GRIA3: variants seen among roughly 807,000 people sequenced by gnomAD.
GRIA3 encodes glutamate ionotropic receptor AMPA type subunit 3.
In GRIA3, 3 loss-of-function variants were observed where a neutral mutation model predicts 63.0. The ratio of observed to expected loss-of-function variants is 0.05; its 90% confidence interval spans 0.02 to 0.12. The LOEUF (loss-of-function observed/expected upper bound fraction) is 0.12, where lower values mean the gene tolerates loss of function less well. GRIA3 is among the 10% of genes least tolerant of loss of function. The probability of loss-of-function intolerance (pLI) is 1.00; values close to 1 mark genes in which losing one functional copy is unlikely to be tolerated. For missense variants in GRIA3, 347 were observed against 700.9 expected, an observed-to-expected ratio of 0.50 and a Z score of 5.70; for synonymous variants, 274 against 257.9, an observed-to-expected ratio of 1.06 and a Z score of -0.60.
intron 3 of GRIA3, among the ~76,000 whole-genome samples, chrX:123,305,186 G>T (rs2044747321): frequency 9.0e-6 from 1 of 111,477 alleles, no homozygotes; most frequent in Admixed American, 9.6e-5. Context: ...TAAGAAAAAT[G>T]TACTGTTTTC....
intron 3 of GRIA3, among the ~76,000 whole-genome samples, chrX:123,259,439 C>T (rs865774569): frequency 1.8e-5 from 2 of 109,529 alleles, no homozygotes; most frequent in Admixed American, 9.8e-5. Flanking sequence ...TCTCTTTCTT[C>T]GCCTCCTTTC....
intron 2 of GRIA3, among the ~76,000 whole-genome samples, chrX:123,206,242 G>GTA (rs1231306857): frequency 8.9e-6 from 1 of 111,956 alleles, no homozygotes; most frequent in African/African-American, 3.2e-5. Context: ...CCTGCTGCAA[G>GTA]TACTTGGATC....
intron 6 of GRIA3, among the ~76,000 whole-genome samples, chrX:123,396,062 C>T (rs1201345132): frequency 9.2e-6 from 1 of 109,074 alleles, no homozygotes; most frequent in African/African-American, 3.3e-5. Flanking sequence ...GATAACAGGC[C>T]GGGCATGGTA....
intron 5 of GRIA3, among the ~76,000 whole-genome samples, chrX:123,394,023 C>G (rs1569429743): frequency 8.9e-6 from 1 of 112,381 alleles, no homozygotes; most frequent in African/African-American, 3.2e-5. Context: ...ATGGTAGCCA[C>G]AGCAAATTAG....
rs1343075689 is a variant in GRIA3 at position 123,427,945 on chromosome X, C to T, written c.1882C>T (p.Leu628Phe). The change falls in exon 12 of 16, where the codon CTC becomes TTC. Residue 628 changes from leucine to phenylalanine, a missense_variant. Coordinates refer to ENST00000620443, the MANE Select transcript of GRIA3 (RefSeq NM_007325.5). ...QQGCDISPRS[L>F]SGRIVGGVWW... ...TGTTTTTGTTTTGTTTTATAGATCA[C>T]TCTCCGGGCGCATTGTTGGAGGGGT... is the stretch of plus-strand genomic sequence containing the variant. 2.5e-6 allele frequency: 3 copies of T among 1,192,698 alleles called. No individual in the cohort carries two copies. The African/African-American group carries it at 5.3e-5, about 21-fold the overall frequency.
At chrX:123,448,167 T>C (rs1179767257) in intron 12 of GRIA3, among the ~76,000 whole-genome samples, 1 of 112,527 alleles carries the variant, frequency 8.9e-6, no homozygotes, top group Admixed American at 9.4e-5. Flanking sequence ...ATGGAATACC[T>C]AGACTCAGGA....
chrX:123,309,998 A>G (rs1462234318), intron 3 of GRIA3, among the ~76,000 whole-genome samples: 8 of 112,552 alleles, frequency 7.1e-5, no homozygotes, highest in Non-Finnish European at 1.5e-4. Context: ...AGGGGATCAG[A>G]TGCCCAGCCA....
At chrX:123,204,562 T>C in intron 2 of GRIA3, 1 of 1,157,029 alleles carries the variant, frequency 8.6e-7, no homozygotes, top group African/African-American at 1.8e-5. Flanking sequence ...CAAACCCATT[T>C]TAGAGACAGA....
intron 2 of GRIA3, among the ~76,000 whole-genome samples, chrX:123,240,251 A>G (rs2044322512): frequency 8.9e-6 from 1 of 111,797 alleles, no homozygotes; most frequent in African/African-American, 3.3e-5. Context: ...AGCCAGAACA[A>G]CCTCCCAAAC....
intron 2 of GRIA3, among the ~76,000 whole-genome samples, chrX:123,241,466 T>C (rs1439095607): frequency 1.8e-5 from 2 of 110,850 alleles, no homozygotes; most frequent in Non-Finnish European, 3.8e-5. Flanking sequence ...GTTGTTGTGG[T>C]TTTGTTTTGT....
chrX:123,305,735 C>T (rs2044750861), intron 3 of GRIA3, among the ~76,000 whole-genome samples: 2 of 112,258 alleles, frequency 1.8e-5, no homozygotes. Context: ...TAGTTAAATT[C>T]ATTCCCACAG....
chrX:123,390,443 T>G (rs756478018), intron 5 of GRIA3, among the ~76,000 whole-genome samples: 2 of 112,017 alleles, frequency 1.8e-5, no homozygotes, highest in Non-Finnish European at 3.8e-5. Flanking sequence ...TTTGTTTTGT[T>G]TTTTCAGAAC....
intron 4 of GRIA3, among the ~76,000 whole-genome samples, chrX:123,340,735 T>C (rs1044740265): frequency 1.8e-5 from 2 of 112,381 alleles, no homozygotes; most frequent in African/African-American, 6.5e-5. Flanking sequence ...CTCTCAGTCC[T>C]ATATGCATTC....
intron 5 of GRIA3, among the ~76,000 whole-genome samples, chrX:123,388,823 C>T (rs1275437064): frequency 1.8e-5 from 2 of 111,761 alleles, no homozygotes; most frequent in African/African-American, 6.5e-5. Context: ...GTTTATTTGA[C>T]ATCCTTCTAC....
intron 3 of GRIA3, 110 bp downstream of exon 3, chrX:123,253,652 A>C: frequency 1.6e-6 from 1 of 606,358 alleles, no homozygotes; most frequent in Non-Finnish European, 2.6e-6. Flanking sequence ...TCTGTTTTAA[A>C]ATTGTATTTA....
In GRIA3 at chrX:123,449,182, T is replaced by C. The variant is rs370419984; in HGVS notation, c.2077-15683T>C. ...AGAGCATTGGTGACTAGGTGGCTTC[T>C]CCACAGCACTCATGCTGGCCAAGGC... On this transcript the variant is annotated intron_variant, in intron 12 of 15. Transcript: ENST00000620443. Among the ~76,000 whole-genome samples, 293 of 112,189 alleles carry C rather than the reference T, an allele frequency of 2.6e-3. 1 individual carries two copies. Among genetic ancestry groups the C allele is most frequent in the African/African-American group, 9.1e-3 (280 of 30,925 alleles).
intron 11 of GRIA3, among the ~76,000 whole-genome samples, chrX:123,421,428 GATA>G (rs1437775720): frequency 1.8e-5 from 2 of 111,911 alleles, no homozygotes; most frequent in Admixed American, 1.9e-4. Flanking sequence ...AGAAATTTCT[GATA>G]ATAACACAGT....
chrX:123,260,176 G>C (rs2044443280), intron 3 of GRIA3, among the ~76,000 whole-genome samples: 1 of 106,454 alleles, frequency 9.4e-6, no homozygotes, highest in Non-Finnish European at 1.9e-5. Flanking sequence ...TGATTCTGAG[G>C]GAAGGGAACT....
intron 10 of GRIA3, among the ~76,000 whole-genome samples, chrX:123,414,796 C>T (rs2045527381): frequency 1.8e-5 from 2 of 110,623 alleles, no homozygotes; most frequent in South Asian, 7.8e-4. Context: ...GTATATGTGC[C>T]ACATTTTCTT....
Sources: gnomAD v4.1 joint callset for allele counts (sites outside exome capture counted in the v4.1 genomes callset) on GRCh38, gnomAD v4.1.1 for gene constraint, MANE v1.5 for transcripts, NCBI Gene and HGNC (gene_info 2026-07-23, HGNC 2026-07-21) for gene names.